Variants in SRGAP1 observed in about 807,000 individuals in gnomAD.
SRGAP1 encodes the protein SLIT-ROBO Rho GTPase-activating protein 1.
SRGAP1 carries 43 observed loss-of-function variants against 121.9 expected under a neutral mutation model. The ratio of observed to expected loss-of-function variants is 0.35; its 90% CI spans 0.28 to 0.46. The LOEUF is 0.46. Ranked by LOEUF, SRGAP1 falls within the 20% of genes least tolerant of loss-of-function variation. SRGAP1 has a pLI of 1.00. For missense variants in SRGAP1, 1,102 were observed against 1,350.9 expected, an observed-to-expected ratio of 0.82 and a Z score of 2.89; for synonymous variants, 447 against 485.4, an observed-to-expected ratio of 0.92 and a Z score of 1.04.
chr12:64,069,308 A>G (rs2035598349), intron 8 of SRGAP1, among the ~76,000 whole-genome samples: 1 of 152,210 alleles, frequency 6.6e-6, no homozygotes, highest in South Asian at 2.1e-4. Context: ...GTATACTTAC[A>G]AGTAGTAAAA....
rs144198694 is a variant in SRGAP1 at position 63,990,304 on chromosome 12, C to T, written c.426+232C>T. On this transcript the variant is annotated intron_variant, in intron 3 of 21. Transcript: ENST00000355086. ...ATCCCAGCACTTTGGGAGGCTGAGG[C>T]GGGTGGATCACGAGGCCAAGAGATC... 8.4e-3 allele frequency among the ~76,000 whole-genome samples: 1,279 copies of T among 152,202 alleles called. 19 individuals are homozygous for T. Among genetic ancestry groups the T allele is most frequent in the African/African-American group, 0.029 (1,190 of 41,528 alleles).
At chr12:64,006,438 G>A (rs1274149031) in intron 3 of SRGAP1, among the ~76,000 whole-genome samples, 1 of 152,180 alleles carries the variant, frequency 6.6e-6, no homozygotes, top group Non-Finnish European at 1.5e-5. Context: ...GATAAACAGT[G>A]AGTAACAGCT....
At chr12:64,014,624 A>G (rs1044237637) in intron 3 of SRGAP1, among the ~76,000 whole-genome samples, 1 of 143,530 alleles carries the variant, frequency 7.0e-6, no homozygotes, top group Non-Finnish European at 1.5e-5. Context: ...TAAACGTTAA[A>G]TAAAAGAAAA....
At chr12:63,974,746 A>G (rs1232033457) in intron 1 of SRGAP1, among the ~76,000 whole-genome samples, 1 of 152,202 alleles carries the variant, frequency 6.6e-6, no homozygotes, top group Non-Finnish European at 1.5e-5. Context: ...AAAAGACCTT[A>G]GGGAGTCATA....
chr12:63,969,674 G>C (rs1592992373), intron 1 of SRGAP1, among the ~76,000 whole-genome samples: 2 of 151,970 alleles, frequency 1.3e-5, no homozygotes, highest in African/African-American at 4.8e-5. Flanking sequence ...GGCACCTGTA[G>C]TCCCAGCTAC....
At chr12:63,860,562 C>T (rs1466632630) in intron 1 of SRGAP1, among the ~76,000 whole-genome samples, 1 of 152,138 alleles carries the variant, frequency 6.6e-6, no homozygotes, top group African/African-American at 2.4e-5. Context: ...TTCAAATTTT[C>T]TGATTAACTG....
At chr12:64,142,200 T>A in intron 21 of SRGAP1, 95 bp from the exon 22 acceptor site, 1 of 1,327,874 alleles carries the variant, frequency 7.5e-7, no homozygotes, top group Non-Finnish European at 1.0e-6. Flanking sequence ...CATACTCTGC[T>A]GGGCCGTTTA....
chr12:63,933,809 T>C (rs912636508), intron 1 of SRGAP1, among the ~76,000 whole-genome samples: 1 of 152,160 alleles, frequency 6.6e-6, no homozygotes, highest in Admixed American at 6.5e-5. Flanking sequence ...TAATAACTAG[T>C]CCCAGGTTTA....
At chr12:63,948,797 TATATATATATTCCATATATATGTTTTCC>T (rs1346467483) in intron 1 of SRGAP1, among the ~76,000 whole-genome samples, 9 of 142,846 alleles carry the variant, frequency 6.3e-5, no homozygotes, top group East Asian at 2.0e-4. Flanking sequence ...ATGTTTTCCA[TATATATATATTCCATATATATGTTTTCC>T]ATATATATAT....
At chr12:63,927,459 G>A (rs1353954823) in intron 1 of SRGAP1, among the ~76,000 whole-genome samples, 3 of 152,212 alleles carry the variant, frequency 2.0e-5, no homozygotes, top group African/African-American at 7.2e-5. Flanking sequence ...GCATCCTCAT[G>A]TTTACACAGA....
chr12:63,967,456 T>A (rs1236825699), intron 1 of SRGAP1, among the ~76,000 whole-genome samples: 1 of 152,120 alleles, frequency 6.6e-6, no homozygotes, highest in East Asian at 1.9e-4. Context: ...AGCGCTTAAC[T>A]AGCAAAAAAA....
chr12:64,074,823 G>T (rs2035704950), intron 8 of SRGAP1, among the ~76,000 whole-genome samples: 1 of 152,108 alleles, frequency 6.6e-6, no homozygotes, highest in South Asian at 2.1e-4. Flanking sequence ...TGGAGATGTA[G>T]ATAACATAGT....
chr12:64,139,716 C>A (rs1042217367), intron 21 of SRGAP1, among the ~76,000 whole-genome samples: 1 of 151,672 alleles, frequency 6.6e-6, no homozygotes, highest in Non-Finnish European at 1.5e-5. Flanking sequence ...ATGGTAGTTT[C>A]TTTTGCTGTG....
chr12:63,948,439 C>T (rs1224297415), intron 1 of SRGAP1, among the ~76,000 whole-genome samples: 5 of 152,192 alleles, frequency 3.3e-5, no homozygotes, highest in African/African-American at 1.2e-4. Context: ...ATGCTGGTGT[C>T]TCCCACAGTC....
chr12:63,951,977 A>G (rs1031018794), intron 1 of SRGAP1, among the ~76,000 whole-genome samples: 1 of 152,066 alleles, frequency 6.6e-6, no homozygotes, highest in East Asian at 1.9e-4. Context: ...GATTTAGCCA[A>G]TTTTTAAAAT....
chr12:63,915,438 G>T (rs1360729762), intron 1 of SRGAP1, among the ~76,000 whole-genome samples: 2 of 152,142 alleles, frequency 1.3e-5, no homozygotes, highest in African/African-American at 2.4e-5. Context: ...AAAAGAATGG[G>T]GGCATTCTAT....
chr12:63,895,887 T>C (rs904600128), intron 1 of SRGAP1, among the ~76,000 whole-genome samples: 8 of 152,252 alleles, frequency 5.3e-5, no homozygotes, highest in Non-Finnish European at 8.8e-5. Context: ...GGGAGCATTC[T>C]GCACCCTGCA....
intron 4 of SRGAP1, chr12:64,038,634 A>G (rs981900724): frequency 6.6e-6 from 1 of 152,224 alleles, no homozygotes. Flanking sequence ...TGATATGGCC[A>G]TGTCAGTAAG....
At chr12:64,057,640 T>C (rs1202377722) in intron 6 of SRGAP1, among the ~76,000 whole-genome samples, 2 of 152,174 alleles carry the variant, frequency 1.3e-5, no homozygotes, top group African/African-American at 2.4e-5. Flanking sequence ...CCAATATCCA[T>C]GGCTTTAGAA....
Sources: allele counts gnomAD v4.1 joint callset (sites outside exome capture counted in the v4.1 genomes callset), GRCh38; gene constraint gnomAD v4.1.1; transcripts MANE v1.5; gene names NCBI Gene and HGNC (gene_info 2026-07-23, HGNC 2026-07-21).